SMOC2: variants seen among roughly 807,000 people sequenced by gnomAD.
The protein encoded by SMOC2 is SPARC related modular calcium binding 2.
In SMOC2, 39 loss-of-function variants were observed where a neutral mutation model predicts 61.4. That is an observed-to-expected ratio of 0.64 (90% CI 0.49 to 0.83). The LOEUF is 0.83. Ranked by LOEUF, SMOC2 falls within the 40% of genes least tolerant of loss-of-function variation. The pLI, the probability that SMOC2 is intolerant of heterozygous loss-of-function variation, is 0.00. For missense variants in SMOC2, 556 were observed against 592.9 expected, an observed-to-expected ratio of 0.94 and a Z score of 0.65; for synonymous variants, 247 against 239.9, an observed-to-expected ratio of 1.03 and a Z score of -0.27.
At chr6:168,640,251 G>C (rs1163258430) in intron 9 of SMOC2, among the ~76,000 whole-genome samples, 2 of 68,940 alleles carry the variant, frequency 2.9e-5, no homozygotes, top group African/African-American at 2.6e-4. Flanking sequence ...CTGTGTGGTT[G>C]CCAACTCAGA....
intron 1 of SMOC2, among the ~76,000 whole-genome samples, chr6:168,495,918 C>T (rs536069156): frequency 2.2e-4 from 33 of 152,310 alleles, no homozygotes; most frequent in Non-Finnish European, 4.0e-4. Flanking sequence ...AGGGCCGGGC[C>T]GAGCTGGGAG....
intron 1 of SMOC2, among the ~76,000 whole-genome samples, chr6:168,492,675 G>A (rs898700021): frequency 3.3e-5 from 5 of 152,330 alleles, no homozygotes; most frequent in Middle Eastern, 3.4e-3. Context: ...TCAAGATGAC[G>A]TGACCTACGA....
intron 9 of SMOC2, among the ~76,000 whole-genome samples, chr6:168,613,407 C>A (rs1785941639): frequency 6.6e-6 from 1 of 152,156 alleles, no homozygotes; most frequent in Middle Eastern, 3.2e-3. Flanking sequence ...GGGCATGGCC[C>A]CTCTGTTACT....
intron 4 of SMOC2, among the ~76,000 whole-genome samples, chr6:168,533,628 T>C (rs1783662495): frequency 6.6e-6 from 1 of 152,202 alleles, no homozygotes; most frequent in Admixed American, 6.5e-5. Flanking sequence ...AGGGCCAGTG[T>C]GCAGTGGCTT....
At chr6:168,588,264 C>T (rs1273107380) in intron 7 of SMOC2, among the ~76,000 whole-genome samples, 1 of 151,828 alleles carries the variant, frequency 6.6e-6, no homozygotes, top group African/African-American at 2.4e-5. Flanking sequence ...GCTGGGACTA[C>T]AGGTGCACAC....
intron 2 of SMOC2, among the ~76,000 whole-genome samples, chr6:168,517,174 A>T (rs939801405): frequency 7.2e-5 from 11 of 152,166 alleles, no homozygotes; most frequent in Admixed American, 6.5e-4. Flanking sequence ...AGGTTGCCCC[A>T]GACAGTCAGC....
At chr6:168,468,957 C>G (rs1240784351) in intron 1 of SMOC2, among the ~76,000 whole-genome samples, 1 of 152,214 alleles carries the variant, frequency 6.6e-6, no homozygotes, top group African/African-American at 2.4e-5. Context: ...AGAAGAAACT[C>G]TAGAAGCAGC....
At chr6:168,622,929 G>A (rs992553767) in intron 9 of SMOC2, among the ~76,000 whole-genome samples, 3 of 152,118 alleles carry the variant, frequency 2.0e-5, no homozygotes, top group Non-Finnish European at 4.4e-5. Flanking sequence ...GGATGTACTC[G>A]GGCTGAGTGT....
intron 7 of SMOC2, among the ~76,000 whole-genome samples, chr6:168,589,261 G>A (rs1785117873): frequency 1.3e-5 from 2 of 152,180 alleles, no homozygotes; most frequent in African/African-American, 4.8e-5. Context: ...AACTCTTAAG[G>A]TGTTGGCTGA....
chr6:168,637,961 A>T (rs895039702), intron 9 of SMOC2, among the ~76,000 whole-genome samples: 3 of 151,904 alleles, frequency 2.0e-5, no homozygotes, highest in African/African-American at 4.8e-5. Flanking sequence ...AGCGGGAGCC[A>T]GGCGTGCCCC....
chr6:168,493,692 A>G (rs1782521376), intron 1 of SMOC2, among the ~76,000 whole-genome samples: 2 of 152,220 alleles, frequency 1.3e-5, no homozygotes, highest in Non-Finnish European at 2.9e-5. Context: ...ATTAAATCCT[A>G]GGTAGTTAAA....
At chr6:168,612,804 CAGAG>C (rs1785915534) in intron 9 of SMOC2, among the ~76,000 whole-genome samples, 2 of 152,190 alleles carry the variant, frequency 1.3e-5, no homozygotes, top group Non-Finnish European at 2.9e-5. Flanking sequence ...AGGCGAAAGA[CAGAG>C]GTGCAGGGAG....
intron 7 of SMOC2, among the ~76,000 whole-genome samples, chr6:168,556,303 A>G (rs769042109): frequency 6.6e-6 from 1 of 152,120 alleles, no homozygotes; most frequent in African/African-American, 2.4e-5. Flanking sequence ...CCTTTCCTCC[A>G]GTGTCCTTGT....
intron 9 of SMOC2, among the ~76,000 whole-genome samples, chr6:168,612,015 G>T (rs187507883): frequency 6.6e-6 from 1 of 152,332 alleles, no homozygotes; most frequent in African/African-American, 2.4e-5. Flanking sequence ...CATCCGCGAG[G>T]TGGAACGAAG....
Position 168,598,907 on chromosome 6 carries a change from G to C in SMOC2, c.727G>C (p.Gly243Arg). Reference sequence around the variant, plus strand: ...TGTGGTGATCCCTGAGTGTGCGCACGGCGGCCTCTACAAGCCAGTGCAGTG... The same window carrying C: ...TGTGGTGATCCCTGAGTGTGCGCACCGCGGCCTCTACAAGCCAGTGCAGTG... Reference protein sequence around the residue: ...DNVVIPECAHGGLYKPVQCHP... With the variant: ...DNVVIPECAHRGLYKPVQCHP... Residue 243 changes from glycine (G) to arginine (R), a missense_variant, in exon 8 of 13, where the codon GGC (glycine) becomes CGC (arginine). By Grantham distance (125) the Gly-to-Arg change is moderately radical. Coordinates refer to ENST00000356284, the MANE Select transcript of SMOC2 (RefSeq NM_001166412.2). The C allele has an allele frequency of 6.2e-7, 1 of 1,613,626 alleles. No homozygotes were observed. Among genetic ancestry groups the C allele is most frequent in the Non-Finnish European group, 8.5e-7 (1 of 1,179,784 alleles).
At chr6:168,651,448 G>C (rs1787189793) in intron 10 of SMOC2, among the ~76,000 whole-genome samples, 1 of 152,092 alleles carries the variant, frequency 6.6e-6, no homozygotes, top group Non-Finnish European at 1.5e-5. Flanking sequence ...AAGAACCCCA[G>C]GGTTTTACTG....
rs1376145422 is a variant in SMOC2, at chr6:168,653,212, C to A, written c.1269C>A (p.Asp423Glu). 3 of 1,612,874 alleles carry A rather than the reference C, an allele frequency of 1.9e-6. No individual in the cohort carries two copies. In the South Asian group the frequency reaches 3.3e-5, roughly 18 times the overall value. Residue 423 changes from aspartate to glutamate, a missense_variant, in exon 11 of 13, where the codon GAC (aspartate) becomes GAA (glutamate). Coordinates refer to ENST00000356284, the MANE Select transcript of SMOC2 (RefSeq NM_001166412.2). ...TGGCGAAAGAGGACGGCAAAGCGGA[C>A]ACCAAGAAACGCCACAGTAAGAGCT... The part of the protein sequence containing the change: ...LGVAKEDGKA[D>E]TKKRHTPRGH...
intron 1 of SMOC2, among the ~76,000 whole-genome samples, chr6:168,505,306 C>T (rs1481015791): frequency 6.6e-6 from 1 of 151,840 alleles, no homozygotes; most frequent in Non-Finnish European, 1.5e-5. Flanking sequence ...ATGTCCGTCT[C>T]TCAGATGCTG....
At chr6:168,468,625 C>A (rs955126383) in intron 1 of SMOC2, among the ~76,000 whole-genome samples, 1 of 152,224 alleles carries the variant, frequency 6.6e-6, no homozygotes, top group Non-Finnish European at 1.5e-5. Context: ...ACCTCCACCT[C>A]CCGGGTTCAA....
Sources: gnomAD v4.1 joint callset for allele counts (sites outside exome capture counted in the v4.1 genomes callset) on GRCh38, gnomAD v4.1.1 for gene constraint, MANE v1.5 for transcripts, NCBI Gene and HGNC (gene_info 2026-07-23, HGNC 2026-07-21) for gene names.